SAMD15: variants seen among roughly 807,000 people sequenced by gnomAD.
SAMD15 encodes the protein sterile alpha motif domain containing 15, also known as sterile alpha motif domain-containing protein 15.
Under a neutral mutation model 50.5 loss-of-function variants are expected in SAMD15, and 37 were observed. The observed-to-expected ratio is 0.73, with a 90% CI of 0.56 to 0.96. The LOEUF is 0.96. Ranked by LOEUF, SAMD15 falls within the 40% of genes least tolerant of loss-of-function variation. The pLI is 0.00. For missense variants in SAMD15, 789 were observed against 783.8 expected, an observed-to-expected ratio of 1.01 and a Z score of -0.08; for synonymous variants, 255 against 282.8, an observed-to-expected ratio of 0.90 and a Z score of 0.99.
chr14:77,389,783 C>T (rs1401540226), intron 2 of SAMD15, among the ~76,000 whole-genome samples: 4 of 151,718 alleles, frequency 2.6e-5, no homozygotes, highest in Admixed American at 2.0e-4. Context: ...ACAGGCGTGG[C>T]GTGAGCCACG....
At position 77,378,732 on chromosome 14, in the gene SAMD15, G is replaced by A; in HGVS notation, c.1314G>A (p.Glu438=). The change falls in exon 1 of 3, where the codon GAG becomes GAA. Residue 438 remains glutamate (E), a synonymous_variant. Coordinates refer to ENST00000216471, the MANE Select transcript of SAMD15 (RefSeq NM_001010860.4). ...IKSKYSVGND[E]LEHREPKRGK... The stretch of plus-strand genomic sequence containing the variant: ...CTAAGTATTCTGTAGGAAACGATGA[G>A]CTAGAGCACCGTGAGCCTAAAAGAG... 6.2e-7 allele frequency: 1 copy of A among 1,612,672 alleles called. No individual in the cohort carries two copies. Among genetic ancestry groups the A allele is most frequent in the Non-Finnish European group, 8.5e-7 (1 of 1,179,646 alleles).
At chr14:77,385,913 T>C (rs116969909) in intron 2 of SAMD15, among the ~76,000 whole-genome samples, 4,472 of 148,702 alleles carry the variant, frequency 0.03, 97 homozygotes, top group Non-Finnish European at 0.042. Flanking sequence ...AGTGGTGCAA[T>C]CTCAGCTCAG....
chr14:77,392,106 G>T lies in SAMD15; in HGVS notation c.*862G>T, dbSNP rs1425055831. ...AAAATTCCTGAAAAATTCTAGTAAT[G>T]CACCTTGTAATAGGAACATGTTGGG... is the stretch of plus-strand genomic sequence containing the variant. On this transcript the variant is annotated 3_prime_UTR_variant, in exon 3 of 3. Coordinates refer to ENST00000216471, the MANE Select transcript of SAMD15 (RefSeq NM_001010860.4). 6.6e-6 allele frequency among the ~76,000 whole-genome samples: 1 copy of T among 152,040 alleles called. No individual in the cohort carries two copies. The highest frequency in any genetic ancestry group is 2.4e-5 in the African/African-American group (1 of 41,410).
rs1431462700 is a variant in SAMD15 at position 77,391,244 on chromosome 14, G to A, written c.2025G>A (p.Ter675=). ...ENEELPCTEP[*] ...AGGAATTACCTTGCACTGAACCATAGGGGAAATCCACTTCACAGAGCTTGA... is the reference window on the plus strand; with the variant it reads ...AGGAATTACCTTGCACTGAACCATAAGGGAAATCCACTTCACAGAGCTTGA... Residue 675 remains the stop codon, a stop_retained_variant, in exon 3 of 3, where the codon TAG becomes TAA. Coordinates refer to ENST00000216471, the MANE Select transcript of SAMD15 (RefSeq NM_001010860.4). 6.3e-7 allele frequency: 1 copy of A among 1,575,378 alleles called. No homozygotes were observed. The highest frequency in any genetic ancestry group is 1.7e-5 in the Admixed American group (1 of 59,700).
rs138849567 is a variant in SAMD15 at position 77,378,507 on chromosome 14, G to A, written c.1089G>A (p.Glu363=). 116 of 1,613,484 alleles carry A rather than the reference G, an allele frequency of 7.2e-5. No individual in the cohort carries two copies. Among genetic ancestry groups the A allele is most frequent in the Middle Eastern group, 1.6e-4 (1 of 6,082 alleles). ...TGATGAAACCAGAAAGTCCAGAAGAGATAAGAAAGTCAAATGAGAAAAAAA... is the reference window on the plus strand; with the variant it reads ...TGATGAAACCAGAAAGTCCAGAAGAAATAAGAAAGTCAAATGAGAAAAAAA... ...SEMMKPESPE[E]IRKSNEKKNP... Residue 363 remains glutamate, a synonymous_variant, in exon 1 of 3, where the codon GAG becomes GAA. Coordinates refer to ENST00000216471, the MANE Select transcript of SAMD15 (RefSeq NM_001010860.4).
rs1298675603 is a variant in SAMD15 at position 77,378,914 on chromosome 14, A to G, written c.1496A>G (p.Glu499Gly). The change falls in exon 1 of 3, where the codon GAG becomes GGG. Residue 499 changes from glutamate to glycine, a missense_variant. Transcript: ENST00000216471. ...GAATGCTCATACTCAGATCCCTCAG[A>G]GTCTCAGACAGAATTAAGTGAGTTC... ...SEECSYSDPS[E>G]SQTELSEFVH... 5.0e-6 allele frequency: 8 copies of G among 1,614,004 alleles called. No individual in the cohort carries two copies. The highest frequency in any genetic ancestry group is 6.8e-6 in the Non-Finnish European group (8 of 1,179,932).
intron 2 of SAMD15, among the ~76,000 whole-genome samples, chr14:77,386,961 G>A (rs1308235757): frequency 6.6e-6 from 1 of 152,228 alleles, no homozygotes; most frequent in Non-Finnish European, 1.5e-5. Context: ...GTGTTCTGCC[G>A]TGATGCCACG....
At position 77,377,863 on chromosome 14, in the gene SAMD15, G is replaced by A; in HGVS notation, c.445G>A (p.Val149Met). ...GGCTAAACCAAATGTTACAGAGGAT[G>A]TGTTCCTAGAGTCAGCTATGGAAAC... ...EEAKPNVTED[V>M]FLESAMETDP... Residue 149 changes from valine to methionine, a missense_variant, in exon 1 of 3, where the codon GTG becomes ATG. By Grantham distance (21) the Val-to-Met change is conservative. Coordinates refer to ENST00000216471, the MANE Select transcript of SAMD15 (RefSeq NM_001010860.4). 2 of 1,614,114 alleles carry A rather than the reference G, an allele frequency of 1.2e-6. No individual in the cohort carries two copies. Among genetic ancestry groups the A allele is most frequent in the Non-Finnish European group, 8.5e-7 (1 of 1,180,008 alleles).
Position 77,377,512 on chromosome 14 carries a change from T to C in SAMD15, c.94T>C (p.Tyr32His), listed in dbSNP as rs767225534. The change falls in exon 1 of 3, where the codon TAT becomes CAT. Residue 32 changes from tyrosine to histidine, a missense_variant. Around this residue, in one of 2 missense-constraint regions of SAMD15, gnomAD observed 770 missense variants for 745.4 expected, o/e 1.03. Coordinates refer to ENST00000216471, the MANE Select transcript of SAMD15 (RefSeq NM_001010860.4). ...TGAACTGCCTGGACTTCATAAATTG[T>C]ATGAAAATGCCGAACCAGACACCAT... ...RPELPGLHKL[Y>H]ENAEPDTMAK... The C allele has an allele frequency of 1.2e-6, 2 of 1,614,090 alleles. No homozygotes were observed. The highest frequency in any genetic ancestry group is 1.7e-6 in the Non-Finnish European group (2 of 1,180,014).
rs745366032 is a variant in SAMD15 at position 77,377,440 on chromosome 14, T to C, written c.22T>C (p.Tyr8His). 9 of 1,611,146 alleles carry C rather than the reference T, an allele frequency of 5.6e-6. No homozygotes were observed. Among genetic ancestry groups the C allele is most frequent in the Non-Finnish European group, 6.8e-6 (8 of 1,178,880 alleles). MAEVPEDYDSGPDEDGEL... is the reference protein window; with the variant it reads MAEVPEDHDSGPDEDGEL... ...GCAAATGGCTGAAGTCCCGGAGGAT[T>C]ATGATTCCGGCCCAGATGAAGATGG... Residue 8 changes from tyrosine to histidine, a missense_variant, in exon 1 of 3, where the codon TAT becomes CAT. Transcript: ENST00000216471.
chr14:77,379,247 T>G, intron 1 of SAMD15, 140 bp downstream of exon 1: 1 of 772,502 alleles, frequency 1.3e-6, no homozygotes, highest in East Asian at 2.6e-5. Flanking sequence ...AACTTGGATT[T>G]TAATTTTGGC....
intron 2 of SAMD15, among the ~76,000 whole-genome samples, chr14:77,386,932 T>C (rs1469046657): frequency 2.0e-5 from 3 of 152,214 alleles, no homozygotes; most frequent in South Asian, 2.1e-4. Context: ...AGGTAACTGG[T>C]TGAGGCCATG....
rs1377083989 is a variant in SAMD15, at chr14:77,391,142, CTTGACT to C, written c.1926_1931del (p.Thr643_Leu644del). On this transcript the variant is annotated inframe_deletion, in exon 3 of 3. Transcript: ENST00000216471. ...GTCATACTGGGATAAAATCTGATTC[CTTGACT>C]TTATCTGAATTTGTCAAAGCAGCAG... 2.5e-6 allele frequency: 4 copies of C among 1,613,628 alleles called. No individual in the cohort carries two copies. The highest frequency in any genetic ancestry group is 3.4e-6 in the Non-Finnish European group (4 of 1,179,688).
Position 77,377,538 on chromosome 14 carries a change from G to C in SAMD15, c.120G>C (p.Met40Ile). The C allele has an allele frequency of 6.2e-7, 1 of 1,614,148 alleles. No individual in the cohort carries two copies. Among genetic ancestry groups the C allele is most frequent in the Non-Finnish European group, 8.5e-7 (1 of 1,180,030 alleles). Residue 40 changes from methionine to isoleucine, a missense_variant, in exon 1 of 3, where the codon ATG becomes ATC. Around this residue, in one of 2 missense-constraint regions of SAMD15, gnomAD observed 770 missense variants for 745.4 expected, o/e 1.03. Transcript: ENST00000216471. ...KLYENAEPDT[M>I]AKADSKLPAE... ...ATGAAAATGCCGAACCAGACACCAT[G>C]GCAAAGGCAGACTCGAAGCTACCAG...
At position 77,380,526 on chromosome 14, in the gene SAMD15, C is replaced by T. The variant is rs761730712; in HGVS notation, c.1788+45C>T. ...TCCCTACAGAGCACTGTTAACAGTG[C>T]CACCATCTGTCTCAAACCAACCTTT... is the stretch of plus-strand genomic sequence containing the variant. On this transcript the variant is annotated intron_variant, in intron 2 of 2. Transcript: ENST00000216471. The T allele has an allele frequency of 1.4e-5, 19 of 1,329,052 alleles. No individual in the cohort carries two copies. The African/African-American group carries it at 2.5e-4, about 17-fold the overall frequency. 82.3% of individuals were successfully genotyped at this position (1,329,052 alleles called of 1,614,324 possible).
At chr14:77,384,167 T>G (rs570476783) in intron 2 of SAMD15, among the ~76,000 whole-genome samples, 1 of 152,092 alleles carries the variant, frequency 6.6e-6, no homozygotes, top group Non-Finnish European at 1.5e-5. Flanking sequence ...ATAGTTATCT[T>G]TTTCATGCTG....
In SAMD15 at chr14:77,380,425, C is replaced by G. The variant is rs1324729915; in HGVS notation, c.1732C>G (p.His578Asp). ...CTTCATCAGTGGCCGAAAACTCATT[C>G]ACGTCAACTGCTCAAACCTCCCTCA... The part of the protein sequence containing the change: ...TNFISGRKLI[H>D]VNCSNLPQMG... Residue 578 changes from histidine to aspartate, a missense_variant, in exon 2 of 3, where the codon CAC becomes GAC. His to Asp is a moderately conservative substitution (Grantham distance 81). This residue lies in a region of SAMD15 where 770 missense variants were observed against 745.4 expected (regional missense o/e 1.03). Transcript: ENST00000216471. 3 of 1,613,836 alleles carry G rather than the reference C, an allele frequency of 1.9e-6. No individual in the cohort carries two copies. In the Admixed American group the frequency reaches 5.0e-5, roughly 27 times the overall value.
chr14:77,384,471 T>A (rs1215507860), intron 2 of SAMD15, among the ~76,000 whole-genome samples: 1 of 152,242 alleles, frequency 6.6e-6, no homozygotes, highest in Non-Finnish European at 1.5e-5. Flanking sequence ...TTATGGATAT[T>A]TATTTTTGGG....
chr14:77,377,551 T>A lies in SAMD15; in HGVS notation c.133T>A (p.Ser45Thr), dbSNP rs773513404. 1.9e-6 allele frequency: 3 copies of A among 1,614,054 alleles called. No homozygotes were observed. Among genetic ancestry groups the A allele is most frequent in the Non-Finnish European group, 2.5e-6 (3 of 1,180,022 alleles). Residue 45 changes from serine to threonine, a missense_variant, in exon 1 of 3, where the codon TCG (serine) becomes ACG (threonine). Ser to Thr is a moderately conservative substitution (Grantham distance 58, BLOSUM62 1). This residue lies in a region of SAMD15 where 770 missense variants were observed against 745.4 expected (regional missense o/e 1.03). Coordinates refer to ENST00000216471, the MANE Select transcript of SAMD15 (RefSeq NM_001010860.4). ...AEPDTMAKADSKLPAEIYQEP... is the reference protein window; with the variant it reads ...AEPDTMAKADTKLPAEIYQEP... ...ACCAGACACCATGGCAAAGGCAGAC[T>A]CGAAGCTACCAGCAGAGATTTACCA...
Sources: allele counts gnomAD v4.1 joint callset (sites outside exome capture counted in the v4.1 genomes callset), GRCh38; gene constraint gnomAD v4.1.1; regional missense constraint gnomAD v4.1.1; transcripts MANE v1.5; gene names NCBI Gene and HGNC (gene_info 2026-07-23, HGNC 2026-07-21).